Variants in LYPD6B observed in about 807,000 individuals in gnomAD.
The protein encoded by LYPD6B is ly6/PLAUR domain-containing protein 6B.
Under a neutral mutation model 22.8 loss-of-function variants are expected in LYPD6B, and 17 were observed. The ratio of observed to expected loss-of-function variants is 0.75; its 90% confidence interval spans 0.51 to 1.12. LYPD6B has a LOEUF of 1.12. Among genes scored for constraint, LYPD6B ranks in the 50% most tolerant of loss-of-function variants. The pLI is 0.00. For synonymous variants in LYPD6B, 106 were observed against 91.6 expected, an observed-to-expected ratio of 1.16 and a Z score of -0.90; for missense variants, 221 against 258.3, an observed-to-expected ratio of 0.86 and a Z score of 0.99.
At chr2:149,122,611 A>C (rs1238785590) in intron 1 of LYPD6B, among the ~76,000 whole-genome samples, 1 of 101,856 alleles carries the variant, frequency 9.8e-6, no homozygotes, top group Non-Finnish European at 1.8e-5. Context: ...GATGTCCCCC[A>C]CCCTGTGTCC....
intron 3 of LYPD6B, among the ~76,000 whole-genome samples, chr2:149,191,373 A>G (rs1009800887): frequency 2.0e-5 from 3 of 152,110 alleles, no homozygotes; most frequent in Non-Finnish European, 4.4e-5. Flanking sequence ...TTTTGTGTGT[A>G]TAGTATGAGG....
intron 5 of LYPD6B, among the ~76,000 whole-genome samples, chr2:149,209,430 T>C (rs1309862033): frequency 6.6e-6 from 1 of 152,188 alleles, no homozygotes; most frequent in Non-Finnish European, 1.5e-5. Context: ...ATGGATGAAT[T>C]GAAATGTTAA....
At chr2:149,074,265 CAT>C (rs1684780166) in intron 1 of LYPD6B, among the ~76,000 whole-genome samples, 1 of 124,918 alleles carries the variant, frequency 8.0e-6, no homozygotes, top group African/African-American at 3.0e-5. Flanking sequence ...TACACGCATG[CAT>C]GCACACACAC....
At chr2:149,058,259 GT>G (rs1363485639) in intron 1 of LYPD6B, among the ~76,000 whole-genome samples, 12 of 152,112 alleles carry the variant, frequency 7.9e-5, no homozygotes, top group Non-Finnish European at 1.2e-4. Context: ...AACAACTGGG[GT>G]TCCTGGCCCC....
chr2:149,147,806 G>C (rs530424608), intron 2 of LYPD6B, among the ~76,000 whole-genome samples: 1 of 152,054 alleles, frequency 6.6e-6, no homozygotes. Flanking sequence ...GAGCCACTGC[G>C]CCCAGCCTTG....
intron 3 of LYPD6B, among the ~76,000 whole-genome samples, chr2:149,201,906 G>A (rs747544868): frequency 3.9e-5 from 6 of 152,210 alleles, no homozygotes; most frequent in Non-Finnish European, 8.8e-5. Context: ...GTTCTGAGCA[G>A]TGTGCTGGGA....
chr2:149,084,102 A>AAT (rs938774724), intron 1 of LYPD6B, among the ~76,000 whole-genome samples: 6 of 151,688 alleles, frequency 4.0e-5, no homozygotes, highest in Non-Finnish European at 8.8e-5. Flanking sequence ...CCATCTCAAA[A>AAT]ATAAAATAAA....
chr2:149,174,747 G>A (rs1559052907), intron 3 of LYPD6B, among the ~76,000 whole-genome samples: 1 of 151,734 alleles, frequency 6.6e-6, no homozygotes, highest in African/African-American at 2.4e-5. Context: ...TGTTCGTGGT[G>A]GATTAGCTTT....
chr2:149,054,106 ATATACAATTAGGAGTAT>A (rs1308713453), intron 1 of LYPD6B, among the ~76,000 whole-genome samples: 1 of 152,210 alleles, frequency 6.6e-6, no homozygotes, highest in Non-Finnish European at 1.5e-5. Flanking sequence ...GTTCTCTTGC[ATATACAATTAGGAGTAT>A]AATTGTTGGA....
chr2:149,182,892 T>C (rs1160016740), intron 3 of LYPD6B, among the ~76,000 whole-genome samples: 1 of 152,244 alleles, frequency 6.6e-6, no homozygotes, highest in African/African-American at 2.4e-5. Context: ...TTAAGTTATG[T>C]CCATTATAAA....
chr2:149,048,798 ATCT>A (rs1200685728), intron 1 of LYPD6B, among the ~76,000 whole-genome samples: 1 of 152,034 alleles, frequency 6.6e-6, no homozygotes, highest in Non-Finnish European at 1.5e-5. Flanking sequence ...TCTTTTGGTG[ATCT>A]TCTTGTAAAA....
At chr2:149,052,511 G>A (rs923607112) in intron 1 of LYPD6B, among the ~76,000 whole-genome samples, 1 of 152,220 alleles carries the variant, frequency 6.6e-6, no homozygotes, top group Non-Finnish European at 1.5e-5. Flanking sequence ...TCAAAGGCAT[G>A]CAACAACCTG....
chr2:149,075,916 C>A (rs10803789), intron 1 of LYPD6B, among the ~76,000 whole-genome samples: 72,824 of 151,988 alleles, frequency 0.48, 18,195 homozygotes, highest in African/African-American at 0.63. Context: ...AAAAACATGC[C>A]GAGACAAAAG....
At chr2:149,168,991 T>C (rs1168495090) in intron 3 of LYPD6B, among the ~76,000 whole-genome samples, 2 of 152,184 alleles carry the variant, frequency 1.3e-5, no homozygotes, top group East Asian at 1.9e-4. Flanking sequence ...ATTAAATCAG[T>C]GTATTTTCTA....
At chr2:149,051,692 G>A (rs778955672) in intron 1 of LYPD6B, among the ~76,000 whole-genome samples, 3 of 152,094 alleles carry the variant, frequency 2.0e-5, no homozygotes, top group East Asian at 1.9e-4. Flanking sequence ...TTGAGATGGA[G>A]TCTCACTCTG....
intron 1 of LYPD6B, among the ~76,000 whole-genome samples, chr2:149,116,293 G>C (rs1017058917): frequency 2.6e-5 from 4 of 152,098 alleles, no homozygotes; most frequent in Admixed American, 2.6e-4. Flanking sequence ...GTATATGTAG[G>C]GTTTGGTACT....
chr2:149,182,299 A>C (rs2105997734), intron 3 of LYPD6B, among the ~76,000 whole-genome samples: 1 of 152,276 alleles, frequency 6.6e-6, no homozygotes, highest in East Asian at 1.9e-4. Context: ...TTTTGGGTCG[A>C]AGAGTTTTCA....
At chr2:149,089,378 C>T (rs965728040) in intron 1 of LYPD6B, among the ~76,000 whole-genome samples, 18 of 152,128 alleles carry the variant, frequency 1.2e-4, no homozygotes, top group African/African-American at 4.3e-4. Flanking sequence ...CTGGGATTAG[C>T]TGGGTCTGCA....
chr2:149,207,031 AT>A (rs2106153392), intron 4 of LYPD6B, among the ~76,000 whole-genome samples: 2 of 152,260 alleles, frequency 1.3e-5, no homozygotes, highest in South Asian at 4.1e-4. Flanking sequence ...CTTAGAATAG[AT>A]TTCCTGGAAT....
Sources: gnomAD v4.1 joint callset for allele counts (sites outside exome capture counted in the v4.1 genomes callset) on GRCh38, gnomAD v4.1.1 for gene constraint, MANE v1.5 for transcripts, NCBI Gene and HGNC (gene_info 2026-07-23, HGNC 2026-07-21) for gene names.